Variants in RAPGEFL1 observed in about 807,000 individuals in gnomAD.
RAPGEFL1 encodes rap guanine nucleotide exchange factor-like 1.
A neutral mutation model predicts 64.4 loss-of-function variants in RAPGEFL1; 31 were observed. The ratio of observed to expected loss-of-function variants is 0.48; its 90% CI spans 0.36 to 0.65. RAPGEFL1 has a LOEUF of 0.65. Among genes scored for constraint, RAPGEFL1 ranks in the 30% least tolerant of loss-of-function variants. The pLI, the probability that RAPGEFL1 is intolerant of heterozygous loss-of-function variation, is 0.00. For missense variants in RAPGEFL1, 682 were observed against 677.4 expected (o/e 1.01, Z -0.08); for synonymous variants, 331 against 274.1 (o/e 1.21, Z -2.05).
intron 12 of RAPGEFL1, 86 bp downstream of exon 12, chr17:40,192,779 A>T (rs1027850289): frequency 1.3e-5 from 19 of 1,436,834 alleles, no homozygotes; most frequent in Middle Eastern, 1.8e-4. Context: ...CTCCCTCTCG[A>T]CTCAGCCCTG....
At position 40,195,227 on chromosome 17, in the gene RAPGEFL1, A is replaced by T. The variant is rs1199160520; in HGVS notation, c.*1439A>T. The T allele has an allele frequency of 6.6e-6, 1 of 152,266 alleles. No individual in the cohort carries two copies. Among genetic ancestry groups the T allele is most frequent in the African/African-American group, 2.4e-5 (1 of 41,396 alleles). 9.4% of individuals were successfully genotyped at this position (152,266 alleles called of 1,614,324 possible). A position where few individuals can be genotyped will look rare whatever the true frequency, so the allele number is the denominator to read the frequency against. ...TTGTATCATAGGTAATGTTGTACAG[A>T]CCCTTTTATACAGTGATCTGTCTTG... On this transcript the variant is annotated 3_prime_UTR_variant, in exon 15 of 15. Transcript: ENST00000620260.
chr17:40,178,404 C>T (rs1989790369), intron 1 of RAPGEFL1, 23 bp downstream of exon 1: 1 of 482,336 alleles, frequency 2.1e-6, no homozygotes. Context: ...TGGGCTCGAA[C>T]ACCCAGAGCA....
In RAPGEFL1 at chr17:40,191,645, T is replaced by C; in HGVS notation, c.1578T>C (p.Ala526=). 2 of 1,612,586 alleles carry C rather than the reference T, an allele frequency of 1.2e-6. No homozygotes were observed. The highest frequency in any genetic ancestry group is 1.7e-6 in the Non-Finnish European group (2 of 1,179,442). The change falls in exon 10 of 15, where the codon GCT becomes GCC. Residue 526 remains alanine (A), a synonymous_variant. Transcript: ENST00000620260. This position sits in a 1 kb window ranked among gnomAD's most constrained non-coding sequence, Gnocchi z 5.1. ...YAVVMGLDNA[A]VSRLRLTWEK... is the part of the protein sequence containing the mutation. ...TGGTCATGGGGCTGGACAACGCCGCTGTCAGCCGCCTTCGACTCACCTGGG... is the reference window on the plus strand; with the variant it reads ...TGGTCATGGGGCTGGACAACGCCGCCGTCAGCCGCCTTCGACTCACCTGGG...
rs776194872 is a variant in RAPGEFL1, at chr17:40,190,640, G to T, written c.1213G>T (p.Val405Leu). ...CCCCTATGCCCCTGCCTGCCACCAG[G>T]TGCCCCTCCCCGAGGAGATCCAGGT... ...ACTRDSYEAL[V>L]PLPEEIQVSP... The change falls in exon 8 of 15, where the codon GTG (valine) becomes TTG (leucine). Residue 405 changes from valine (V) to leucine (L), a missense_variant and splice_region_variant. Transcript: ENST00000620260. The T allele has an allele frequency of 5.0e-6, 8 of 1,614,046 alleles. No individual in the cohort carries two copies. Among genetic ancestry groups the T allele is most frequent in the Non-Finnish European group, 6.8e-6 (8 of 1,179,954 alleles).
intron 1 of RAPGEFL1, chr17:40,181,383 C>A: frequency 1.6e-6 from 1 of 637,706 alleles, no homozygotes; most frequent in Non-Finnish European, 2.9e-6. Flanking sequence ...GGCACGCGCC[C>A]CCCCCTTCCC....
intron 1 of RAPGEFL1, among the ~76,000 whole-genome samples, chr17:40,180,328 A>C (rs1323861252): frequency 6.6e-6 from 1 of 152,146 alleles, no homozygotes; most frequent in Non-Finnish European, 1.5e-5. Flanking sequence ...AAGACTCCTG[A>C]AATGTCACCC....
rs752046292 is a variant in RAPGEFL1 at position 40,191,385 on chromosome 17, C to A, written c.1405C>A (p.Leu469Met). The change falls in exon 9 of 15, where the codon CTG becomes ATG. Residue 469 changes from leucine to methionine, a missense_variant. Around this residue, in one of 2 missense-constraint regions of RAPGEFL1, gnomAD observed 411 missense variants for 519.4 expected, o/e 0.79. Coordinates refer to ENST00000620260, the MANE Select transcript of RAPGEFL1 (RefSeq NM_016339.6). This position sits in a 1 kb window ranked among gnomAD's most constrained non-coding sequence, Gnocchi z 5.1. ...RRETANLELL[L>M]QRCSEVTHWV... is the part of the protein sequence containing the mutation. ...GGAGACGGCCAACTTGGAGCTGCTGCTGCAGCGCTGCAGCGAGGTCACGCA... is the reference window on the plus strand; with the variant it reads ...GGAGACGGCCAACTTGGAGCTGCTGATGCAGCGCTGCAGCGAGGTCACGCA... 3.1e-6 allele frequency: 5 copies of A among 1,599,036 alleles called. No individual in the cohort carries two copies. The highest frequency in any genetic ancestry group is 1.3e-5 in the African/African-American group (1 of 74,592).
intron 11 of RAPGEFL1, 66 bp downstream of exon 11, chr17:40,192,329 AC>A: frequency 6.6e-7 from 1 of 1,512,510 alleles, no homozygotes; most frequent in Non-Finnish European, 9.2e-7. Flanking sequence ...GTTCCCATAA[AC>A]CCCCTTCCTC....
chr17:40,191,775 C>CTCCCTCCAACTGGCGCAA lies in RAPGEFL1; in HGVS notation c.1605+103_1605+104insTCCCTCCAACTGGCGCAA. On this transcript the variant is annotated intron_variant, in intron 10 of 14. Transcript: ENST00000620260. The surrounding 1 kb of genome is among the most constrained non-coding windows in gnomAD (Gnocchi z 5.1). The stretch of plus-strand genomic sequence containing the variant: ...GCCGGCCTGGAGGGAGTCTTTGCGC[C>CTCCCTCCAACTGGCGCAA]AGTTGGAGGGAGGCGCCCTCTTCTG... The CTCCCTCCAACTGGCGCAA allele has an allele frequency of 8.3e-7, 1 of 1,205,642 alleles. No homozygotes were observed. Among genetic ancestry groups the CTCCCTCCAACTGGCGCAA allele is most frequent in the Non-Finnish European group, 1.2e-6 (1 of 839,466 alleles). The allele number at this position is 1,205,642 out of a possible 1,614,324, so 74.7% of individuals were successfully genotyped here.
rs1176563749 is a variant in RAPGEFL1 at position 40,193,898 on chromosome 17, C to G, written c.*110C>G. 1 of 1,447,194 alleles carries G rather than the reference C, an allele frequency of 6.9e-7. No homozygotes were observed. The highest frequency in any genetic ancestry group is 9.3e-7 in the Non-Finnish European group (1 of 1,071,118). 89.6% of individuals were successfully genotyped at this position (1,447,194 alleles called of 1,614,324 possible). On this transcript the variant is annotated 3_prime_UTR_variant, in exon 15 of 15. Coordinates refer to ENST00000620260, the MANE Select transcript of RAPGEFL1 (RefSeq NM_016339.6). Reference sequence around the variant, plus strand: ...ATCTTTCCCGTGGAGCAACTTCCTGCTCCACGGGAAAGAGGTCGATGGATT... The same window carrying G: ...ATCTTTCCCGTGGAGCAACTTCCTGGTCCACGGGAAAGAGGTCGATGGATT...
intron 13 of RAPGEFL1, 37 bp from the exon 14 acceptor site, chr17:40,193,326 G>A: frequency 6.2e-7 from 1 of 1,609,126 alleles, no homozygotes; most frequent in Non-Finnish European, 8.5e-7. Context: ...GCCTCTTTCT[G>A]TGCCCCTTTC....
intron 4 of RAPGEFL1, among the ~76,000 whole-genome samples, chr17:40,187,268 T>C (rs1990108635): frequency 6.6e-6 from 1 of 152,186 alleles, no homozygotes; most frequent in Admixed American, 6.6e-5. Flanking sequence ...ACTGTATCCA[T>C]CCATCCATGA....
At chr17:40,189,515 TGGGAA>T in intron 6 of RAPGEFL1, 140 bp downstream of exon 6, 1 of 960,066 alleles carries the variant, frequency 1.0e-6, no homozygotes, top group Non-Finnish European at 1.5e-6. Context: ...GTGCATCGCC[TGGGAA>T]CTTGTTAGGA....
chr17:40,193,100 C>T (rs1193156194), intron 13 of RAPGEFL1, 110 bp downstream of exon 13: 3 of 1,115,958 alleles, frequency 2.7e-6, no homozygotes, highest in Non-Finnish European at 2.7e-6. Context: ...GCCCAGCTTG[C>T]CTAACAGACT....
Position 40,192,651 on chromosome 17 carries a change from A to T in RAPGEFL1, c.1702A>T (p.Met568Leu). 6.2e-7 allele frequency: 1 copy of T among 1,613,958 alleles called. No homozygotes were observed. Among genetic ancestry groups the T allele is most frequent in the Non-Finnish European group, 8.5e-7 (1 of 1,179,950 alleles). The change falls in exon 12 of 15, where the codon ATG becomes TTG. Residue 568 changes from methionine to leucine, a missense_variant. Coordinates refer to ENST00000620260, the MANE Select transcript of RAPGEFL1 (RefSeq NM_016339.6). ...AAGCTACCGAGAAGTGATCTCCAAA[A>T]TGAAGCCCCCTGTGATTCCCTTCGT... ...HKSYREVISK[M>L]KPPVIPFVPL...
Position 40,191,435 on chromosome 17 carries a change from C to G in RAPGEFL1, c.1455C>G (p.Leu485=). Residue 485 remains leucine, a synonymous_variant, in exon 9 of 15, where the codon CTC becomes CTG. Transcript: ENST00000620260. The surrounding 1 kb of genome is among the most constrained non-coding windows in gnomAD (Gnocchi z 5.1). ...VTHWVATEVL[L]CEAPGKRAQL... ...ACTGGGTGGCCACCGAAGTGCTGCT[C>G]TGCGAGGCCCCGGGCAAGCGCGCGC... 6.2e-7 allele frequency: 1 copy of G among 1,607,130 alleles called. No homozygotes were observed. The highest frequency in any genetic ancestry group is 8.5e-7 in the Non-Finnish European group (1 of 1,178,754).
chr17:40,184,025 G>A (rs1294631221), intron 2 of RAPGEFL1, among the ~76,000 whole-genome samples, 189 bp from the exon 3 acceptor site: 1 of 151,662 alleles, frequency 6.6e-6, no homozygotes, highest in African/African-American at 2.4e-5. Context: ...TGTATTTTTA[G>A]TAGAGTCTTC....
rs533309100 is a variant in RAPGEFL1 at position 40,184,778 on chromosome 17, C to CTTGT, written c.833+115_833+118dup. ...GCCTATTGGCTGCAATATGGATTTG[C>CTTGT]TTGTTTGTTTGTTTGTTTTGAGACA... On this transcript the variant is annotated intron_variant, in intron 4 of 14. Transcript: ENST00000620260. 1.3e-3 allele frequency: 895 copies of CTTGT among 711,174 alleles called. 5 individuals are homozygous for CTTGT. In the African/African-American group the frequency reaches 0.014, roughly 11 times the overall value. The allele number at this position is 711,174 out of a possible 1,614,324, so 44.1% of individuals were successfully genotyped here. A position where few individuals can be genotyped will look rare whatever the true frequency, so the allele number is the denominator to read the frequency against.
intron 11 of RAPGEFL1, 99 bp downstream of exon 11, chr17:40,192,362 T>G: frequency 7.4e-7 from 1 of 1,345,710 alleles, no homozygotes; most frequent in South Asian, 1.2e-5. Flanking sequence ...TCAAGGTGTT[T>G]AGTGTATGGG....
Sources: allele counts gnomAD v4.1 joint callset (sites outside exome capture counted in the v4.1 genomes callset), GRCh38; gene constraint gnomAD v4.1.1; regional missense constraint gnomAD v4.1.1; non-coding constraint Gnocchi (gnomAD v3.1); transcripts MANE v1.5; gene names NCBI Gene and HGNC (gene_info 2026-07-23, HGNC 2026-07-21).